Variants in BBOX1 observed in about 807,000 individuals in gnomAD.
BBOX1 encodes gamma-butyrobetaine hydroxylase 1, also known as gamma-butyrobetaine dioxygenase.
BBOX1 carries 35 observed loss-of-function variants against 41.6 expected under a neutral mutation model. The ratio of observed to expected loss-of-function variants is 0.84; its 90% confidence interval spans 0.64 to 1.11. The LOEUF (loss-of-function observed/expected upper bound fraction) is 1.11, where lower values mean the gene tolerates loss of function less well. Among genes scored for constraint, BBOX1 ranks in the 50% most tolerant of loss-of-function variants. BBOX1 has a pLI of 0.00. For synonymous variants in BBOX1, 163 were observed against 154.7 expected, an observed-to-expected ratio of 1.05 and a Z score of -0.40; for missense variants, 458 against 460.6, an observed-to-expected ratio of 0.99 and a Z score of 0.05.
chr11:27,100,652 GT>G (rs1189229842), intron 5 of BBOX1, among the ~76,000 whole-genome samples: 1 of 152,136 alleles, frequency 6.6e-6, no homozygotes, highest in Non-Finnish European at 1.5e-5. Flanking sequence ...CCAAGAGCCA[GT>G]CTCCAGGGTT....
intron 4 of BBOX1, among the ~76,000 whole-genome samples, chr11:27,070,981 C>T (rs2090014750): frequency 6.6e-6 from 1 of 152,076 alleles, no homozygotes; most frequent in African/African-American, 2.4e-5. Flanking sequence ...AACAAATTGC[C>T]TCAGCATTTG....
At chr11:27,104,065 C>T (rs1410186700) in intron 5 of BBOX1, among the ~76,000 whole-genome samples, 3 of 152,094 alleles carry the variant, frequency 2.0e-5, no homozygotes, top group Non-Finnish European at 2.9e-5. Flanking sequence ...TCCTATACTA[C>T]TCAATATGCA....
intron 5 of BBOX1, among the ~76,000 whole-genome samples, chr11:27,100,968 A>G (rs748642103): frequency 1.3e-5 from 2 of 151,980 alleles, no homozygotes; most frequent in African/African-American, 2.4e-5. Flanking sequence ...CCTTTTATGT[A>G]CTAAGTATTG....
At chr11:27,106,690 T>G (rs12796839) in intron 5 of BBOX1, among the ~76,000 whole-genome samples, 1 of 151,816 alleles carries the variant, frequency 6.6e-6, no homozygotes, top group Non-Finnish European at 1.5e-5. Flanking sequence ...AGACAGAAAG[T>G]TAACAAGGAT....
At chr11:27,075,953 C>T (rs1857617240) in intron 4 of BBOX1, among the ~76,000 whole-genome samples, 1 of 152,242 alleles carries the variant, frequency 6.6e-6, no homozygotes, top group Non-Finnish European at 1.5e-5. Flanking sequence ...ACTTTCCCCA[C>T]TGAGCCCAGC....
chr11:27,073,487 T>G (rs1156704780), intron 4 of BBOX1, among the ~76,000 whole-genome samples: 1 of 148,102 alleles, frequency 6.8e-6, no homozygotes, highest in Non-Finnish European at 1.5e-5. Context: ...GTTCAATCAT[T>G]GTGGAAGACA....
chr11:27,115,002 G>C (rs1239264203), intron 5 of BBOX1, among the ~76,000 whole-genome samples: 2 of 151,782 alleles, frequency 1.3e-5, no homozygotes, highest in Non-Finnish European at 2.9e-5. Context: ...TAAAATAAGA[G>C]GTTTTGATCT....
At chr11:27,060,194 T>A (rs149230120) in intron 4 of BBOX1, among the ~76,000 whole-genome samples, 88 of 152,248 alleles carry the variant, frequency 5.8e-4, no homozygotes, top group African/African-American at 2.1e-3. Flanking sequence ...TTTAGCACCA[T>A]CCTGTTGGTA....
chr11:27,071,786 A>C (rs1402044701), intron 4 of BBOX1, among the ~76,000 whole-genome samples: 1 of 152,216 alleles, frequency 6.6e-6, no homozygotes, highest in African/African-American at 2.4e-5. Flanking sequence ...CAATAAGCAT[A>C]ATCCAGCATA....
At chr11:27,108,939 T>A (rs1858959172) in intron 5 of BBOX1, among the ~76,000 whole-genome samples, 2 of 151,992 alleles carry the variant, frequency 1.3e-5, no homozygotes, top group Non-Finnish European at 2.9e-5. Context: ...AAATGAAAGC[T>A]CATAAAAGTC....
At chr11:27,081,784 A>T (rs1159832373) in intron 4 of BBOX1, among the ~76,000 whole-genome samples, 3 of 152,096 alleles carry the variant, frequency 2.0e-5, no homozygotes, top group African/African-American at 7.2e-5. Flanking sequence ...TGTGGTTTTG[A>T]TTTGCATTTC....
intron 5 of BBOX1, among the ~76,000 whole-genome samples, chr11:27,104,561 G>T (rs1858789784): frequency 6.6e-6 from 1 of 152,120 alleles, no homozygotes. Flanking sequence ...GTCTTGTGGA[G>T]ATTTTCGTAT....
intron 5 of BBOX1, among the ~76,000 whole-genome samples, chr11:27,095,619 C>T (rs983121451): frequency 8.6e-5 from 13 of 151,928 alleles, no homozygotes; most frequent in African/African-American, 2.2e-4. Context: ...TGCCAGAAAA[C>T]GCCTTTCTTT....
intron 5 of BBOX1, among the ~76,000 whole-genome samples, chr11:27,109,085 C>T (rs993327270): frequency 1.3e-5 from 2 of 151,990 alleles, no homozygotes; most frequent in African/African-American, 4.8e-5. Flanking sequence ...GAAGAGGAAG[C>T]GGAATTCTGT....
intron 4 of BBOX1, among the ~76,000 whole-genome samples, chr11:27,085,555 ATCTCTCTCTCTCTCTCTC>A (rs59696795): frequency 4.4e-5 from 6 of 134,832 alleles, no homozygotes; most frequent in Admixed American, 7.5e-5. Flanking sequence ...ACATTCCCCC[ATCTCTCTCTCTCTCTCTC>A]TCTCTCTCTC....
At chr11:27,108,713 C>T (rs563001811) in intron 5 of BBOX1, among the ~76,000 whole-genome samples, 1 of 152,088 alleles carries the variant, frequency 6.6e-6, no homozygotes, top group East Asian at 1.9e-4. Context: ...GCTGCTTGAC[C>T]CTTAGTGAAA....
chr11:27,058,869 A>C (rs1857061114), intron 4 of BBOX1, among the ~76,000 whole-genome samples: 1 of 152,218 alleles, frequency 6.6e-6, no homozygotes, highest in African/African-American at 2.4e-5. Context: ...AGAGTGTAAA[A>C]GTTTGAAAAT....
At chr11:27,103,848 ATTTTGTTGTTGTTGT>A (rs753209569) in intron 5 of BBOX1, among the ~76,000 whole-genome samples, 1 of 151,762 alleles carries the variant, frequency 6.6e-6, no homozygotes. Context: ...TTAAACCTTG[ATTTTGTTGTTGTTGT>A]TTTTGTTGTT....
At chr11:27,052,729 C>G (rs1325938892) in intron 2 of BBOX1, among the ~76,000 whole-genome samples, 1 of 152,028 alleles carries the variant, frequency 6.6e-6, no homozygotes, top group Non-Finnish European at 1.5e-5. Flanking sequence ...AAGAATTTAG[C>G]TTTTATCATG....
Sources: allele counts gnomAD v4.1 joint callset (sites outside exome capture counted in the v4.1 genomes callset), GRCh38; gene constraint gnomAD v4.1.1; transcripts MANE v1.5; gene names NCBI Gene and HGNC (gene_info 2026-07-23, HGNC 2026-07-21).